Variants in CDH13 observed in about 807,000 individuals in gnomAD.
CDH13 encodes cadherin-13.
Under a neutral mutation model 63.8 loss-of-function variants are expected in CDH13, and 24 were observed. The observed-to-expected ratio is 0.38, with a 90% CI of 0.27 to 0.53. The LOEUF (loss-of-function observed/expected upper bound fraction) is 0.53, where lower values mean the gene tolerates loss of function less well. CDH13 is among the 20% of genes least tolerant of loss of function. The pLI, the probability that CDH13 is intolerant of heterozygous loss-of-function variation, is 0.85. For missense variants in CDH13, 1,049 were observed against 903.1 expected (o/e 1.16, Z -2.07); for synonymous variants, 503 against 355.3 (o/e 1.42, Z -4.67).
intron 7 of CDH13, among the ~76,000 whole-genome samples, chr16:83,559,775 C>A (rs774208629): frequency 2.6e-5 from 4 of 152,234 alleles, no homozygotes; most frequent in Non-Finnish European, 5.9e-5. Flanking sequence ...CTTACTGTCA[C>A]AAAGAACAGG....
intron 5 of CDH13, among the ~76,000 whole-genome samples, chr16:83,218,886 G>A (rs1395109949): frequency 1.3e-5 from 2 of 152,264 alleles, no homozygotes; most frequent in East Asian, 3.9e-4. Context: ...CATGAGATCT[G>A]ATGGTTTTAT....
chr16:83,299,245 A>G (rs1274582399), intron 5 of CDH13, among the ~76,000 whole-genome samples: 1 of 149,884 alleles, frequency 6.7e-6, no homozygotes, highest in Non-Finnish European at 1.5e-5. Flanking sequence ...TCTTTGTTTT[A>G]TTATTCCCTT....
At chr16:83,675,040 C>T (rs1052077407) in intron 9 of CDH13, among the ~76,000 whole-genome samples, 8 of 152,152 alleles carry the variant, frequency 5.3e-5, no homozygotes, top group Admixed American at 4.6e-4. Flanking sequence ...CTTTAAATTT[C>T]CCAGGGCAGT....
chr16:82,887,548 C>T (rs2040933677), intron 2 of CDH13, among the ~76,000 whole-genome samples: 1 of 152,078 alleles, frequency 6.6e-6, no homozygotes, highest in Non-Finnish European at 1.5e-5. Flanking sequence ...AAAGGAGGGC[C>T]AGTGGCTCAC....
intron 7 of CDH13, among the ~76,000 whole-genome samples, chr16:83,579,140 G>C (rs1195103852): frequency 6.6e-6 from 1 of 152,176 alleles, no homozygotes. Context: ...GTGGAGCAGG[G>C]CTGTACCTAC....
intron 1 of CDH13, chr16:82,727,739 A>C (rs922244866): frequency 1.3e-5 from 2 of 152,074 alleles, no homozygotes; most frequent in African/African-American, 2.4e-5. Context: ...TTAGTTCTGC[A>C]TGTTACTATG....
At chr16:83,569,139 G>C (rs888442470) in intron 7 of CDH13, among the ~76,000 whole-genome samples, 4 of 151,848 alleles carry the variant, frequency 2.6e-5, no homozygotes, top group African/African-American at 7.3e-5. Flanking sequence ...TGAGGACCTT[G>C]CCTGCCCTCT....
At chr16:83,666,836 TACACAC>T (rs762579073) in intron 8 of CDH13, among the ~76,000 whole-genome samples, 1 of 121,978 alleles carries the variant, frequency 8.2e-6, no homozygotes, top group African/African-American at 3.0e-5. Flanking sequence ...CACACACACA[TACACAC>T]ACACACACAG....
chr16:83,144,707 G>A (rs545529865), intron 4 of CDH13, among the ~76,000 whole-genome samples: 87 of 152,268 alleles, frequency 5.7e-4, no homozygotes, highest in African/African-American at 1.8e-3. Flanking sequence ...AAATTTTTCC[G>A]AAAAAATCAC....
At chr16:83,496,420 TG>T (rs1381174171) in intron 7 of CDH13, among the ~76,000 whole-genome samples, 3 of 151,550 alleles carry the variant, frequency 2.0e-5, no homozygotes, top group African/African-American at 7.3e-5. Flanking sequence ...AAGGATTCCC[TG>T]TTTAATAAAT....
At chr16:83,678,002 A>C (rs1001645614) in intron 9 of CDH13, among the ~76,000 whole-genome samples, 10 of 152,162 alleles carry the variant, frequency 6.6e-5, no homozygotes, top group Admixed American at 6.5e-4. Context: ...ACAAAAAAAA[A>C]CCAACATCCA....
chr16:83,160,844 G>A (rs1037365385), intron 4 of CDH13, among the ~76,000 whole-genome samples: 1 of 152,130 alleles, frequency 6.6e-6, no homozygotes, highest in Non-Finnish European at 1.5e-5. Context: ...TTAAACATCA[G>A]GTGAGAAAAA....
rs2151773593 is a variant in CDH13 at position 83,207,299 on chromosome 16, C to A, written c.484-10046C>A. On this transcript the variant is annotated intron_variant, in intron 4 of 13. Transcript: ENST00000567109. ...CTTTCTGTCTCTATTAATGTTACAA[C>A]TCCAGGTGCCTCTTGTAAGTGGAAT... 2.0e-5 allele frequency among the ~76,000 whole-genome samples: 3 copies of A among 152,292 alleles called. No individual in the cohort carries two copies. The South Asian group carries it at 6.2e-4, about 32-fold the overall frequency.
intron 6 of CDH13, among the ~76,000 whole-genome samples, chr16:83,474,818 G>C (rs543606834): frequency 3.9e-5 from 6 of 152,312 alleles, no homozygotes; most frequent in African/African-American, 1.4e-4. Flanking sequence ...TCCAAGCCTA[G>C]AGCAGTGACT....
chr16:83,563,757 C>G (rs1014332909), intron 7 of CDH13, among the ~76,000 whole-genome samples: 1 of 152,094 alleles, frequency 6.6e-6, no homozygotes, highest in African/African-American at 2.4e-5. Context: ...ATAACTCTCC[C>G]CAAACCAAAG....
At chr16:83,212,649 T>C (rs1398010999) in intron 4 of CDH13, among the ~76,000 whole-genome samples, 1 of 152,162 alleles carries the variant, frequency 6.6e-6, no homozygotes, top group Non-Finnish European at 1.5e-5. Context: ...CTCCAAACAG[T>C]AGCGGTGGAA....
At chr16:82,911,923 C>G (rs2041843795) in intron 2 of CDH13, among the ~76,000 whole-genome samples, 1 of 152,054 alleles carries the variant, frequency 6.6e-6, no homozygotes, top group Non-Finnish European at 1.5e-5. Flanking sequence ...ACCTCCCACA[C>G]CTTGTTGAAC....
chr16:83,214,122 G>A (rs1306966645), intron 4 of CDH13, among the ~76,000 whole-genome samples: 7 of 151,704 alleles, frequency 4.6e-5, no homozygotes, highest in Non-Finnish European at 1.0e-4. Context: ...TGGAAGCTTT[G>A]TTCTTTCGCT....
At chr16:83,004,463 C>G (rs1420958655) in intron 2 of CDH13, among the ~76,000 whole-genome samples, 2 of 152,144 alleles carry the variant, frequency 1.3e-5, no homozygotes, top group African/African-American at 4.8e-5. Flanking sequence ...CAAGGTAACT[C>G]TTCTTTTGAA....
Sources: allele counts gnomAD v4.1 joint callset (sites outside exome capture counted in the v4.1 genomes callset), GRCh38; gene constraint gnomAD v4.1.1; transcripts MANE v1.5; gene names NCBI Gene and HGNC (gene_info 2026-07-23, HGNC 2026-07-21).